PRKAR1A: variants seen among roughly 807,000 people sequenced by gnomAD.
PRKAR1A encodes the protein cAMP-dependent protein kinase type I-alpha regulatory subunit.
PRKAR1A carries 3 observed loss-of-function variants against 52.0 expected under a neutral mutation model. The observed-to-expected ratio is 0.06, with a 90% confidence interval of 0.03 to 0.15. The LOEUF is 0.15. Among genes scored for constraint, PRKAR1A ranks in the 10% least tolerant of loss-of-function variants. The probability of loss-of-function intolerance (pLI) is 1.00; values close to 1 mark genes in which losing one functional copy is unlikely to be tolerated. For synonymous variants in PRKAR1A, 188 were observed against 168.4 expected (o/e 1.12, Z -0.90); for missense variants, 240 against 477.4 (o/e 0.50, Z 4.63).
At chr17:68,523,265 C>T (rs1055762773) in intron 3 of PRKAR1A, among the ~76,000 whole-genome samples, 6 of 152,070 alleles carry the variant, frequency 3.9e-5, no homozygotes, top group African/African-American at 1.4e-4. Context: ...ACCTTTTATT[C>T]TACGAGCCTC....
chr17:68,428,198 G>A, the PRKAR1A span: 1 of 150,966 alleles, frequency 6.6e-6, no homozygotes, highest in Non-Finnish European at 1.5e-5. Context: ...ATGACTGGTA[G>A]AGCACTTTTC....
At chr17:68,468,447 A>G in the PRKAR1A span, among the ~76,000 whole-genome samples, 1 of 152,196 alleles carries the variant, frequency 6.6e-6, no homozygotes, top group Admixed American at 6.5e-5. Flanking sequence ...CTTTAATTTT[A>G]GGAACACTAT....
At chr17:68,489,055 G>A in the PRKAR1A span, among the ~76,000 whole-genome samples, 2 of 149,542 alleles carry the variant, frequency 1.3e-5, no homozygotes, top group Admixed American at 6.7e-5. Flanking sequence ...GTCTGAATAA[G>A]TTTGGGCTAT....
chr17:68,502,127 G>A, the PRKAR1A span, among the ~76,000 whole-genome samples: 2 of 152,138 alleles, frequency 1.3e-5, no homozygotes, highest in African/African-American at 4.8e-5. Flanking sequence ...ACTCCAGAGA[G>A]CCCTTGCAGT....
chr17:68,416,164 T>C, the PRKAR1A span, among the ~76,000 whole-genome samples: 1 of 152,230 alleles, frequency 6.6e-6, no homozygotes, highest in Admixed American at 6.5e-5. Flanking sequence ...CATTTTGATG[T>C]GTTTCCAGGA....
At chr17:68,519,326 G>A (rs1023138470) in intron 2 of PRKAR1A, among the ~76,000 whole-genome samples, 3 of 152,148 alleles carry the variant, frequency 2.0e-5, no homozygotes, top group Non-Finnish European at 4.4e-5. Flanking sequence ...GGCAGGCCTC[G>A]GGAAGCTACA....
the PRKAR1A span, among the ~76,000 whole-genome samples, chr17:68,471,654 G>T: frequency 2.6e-5 from 4 of 152,144 alleles, no homozygotes; most frequent in Admixed American, 6.5e-5. Flanking sequence ...GGAGGTCTTC[G>T]CCAGGGATGT....
Position 68,531,226 on chromosome 17 carries a change from T to C in PRKAR1A, c.*777T>C, listed in dbSNP as rs946489922. 8.4e-6 allele frequency: 9 copies of C among 1,066,344 alleles called. No homozygotes were observed. The highest frequency in any genetic ancestry group is 4.1e-4 in the Middle Eastern group (1 of 2,426). The allele number at this position is 1,066,344 out of a possible 1,614,324, so 66.1% of individuals were successfully genotyped here. ...TCTGCCTCGGCTCACAAATTCCGAT[T>C]AGACCTTTATCCAGCTAGTGCCAAA... is the stretch of plus-strand genomic sequence containing the variant. On this transcript the variant is annotated 3_prime_UTR_variant, in exon 11 of 11. Coordinates refer to ENST00000589228, the MANE Select transcript of PRKAR1A (RefSeq NM_002734.5).
chr17:68,450,638 T>C, the PRKAR1A span: 3 of 1,480,300 alleles, frequency 2.0e-6, no homozygotes, highest in African/African-American at 4.3e-5. Context: ...GGAAGCTTGT[T>C]TTACAGACAT....
intron 6 of PRKAR1A, 116 bp from the exon 7 acceptor site, chr17:68,525,633 ATATAT>A: frequency 3.7e-6 from 4 of 1,095,332 alleles, no homozygotes; most frequent in African/African-American, 3.1e-5. Flanking sequence ...TGCAAACATA[ATATAT>A]TCTGTTTTTT....
chr17:68,421,807 C>T, the PRKAR1A span: 77 of 1,614,042 alleles, frequency 4.8e-5, no homozygotes, highest in East Asian at 6.7e-5. Context: ...CTGATTTCCA[C>T]GGCACAAGAT....
chr17:68,421,579 C>G, the PRKAR1A span: 1 of 662,634 alleles, frequency 1.5e-6, no homozygotes, highest in African/African-American at 1.8e-5. Flanking sequence ...CAATGTCTCC[C>G]GCGCCCATTG....
the PRKAR1A span, among the ~76,000 whole-genome samples, chr17:68,484,401 AT>A: frequency 4.0e-5 from 6 of 150,332 alleles, no homozygotes; most frequent in African/African-American, 1.5e-4. Context: ...AATTCAATTA[AT>A]TTTTTTATTT....
At chr17:68,496,343 T>C in the PRKAR1A span, among the ~76,000 whole-genome samples, 4 of 151,744 alleles carry the variant, frequency 2.6e-5, no homozygotes, top group African/African-American at 9.7e-5. Context: ...CGCCCGGCCC[T>C]CTCTGCATTT....
the PRKAR1A span, among the ~76,000 whole-genome samples, chr17:68,471,441 C>G: frequency 6.6e-6 from 1 of 152,256 alleles, no homozygotes; most frequent in South Asian, 2.1e-4. Flanking sequence ...CTCCCCCAGA[C>G]ATAGACCTTG....
At position 68,524,142 on chromosome 17, in the gene PRKAR1A, G is replaced by T. The variant is rs1187108513; in HGVS notation, c.502+65G>T. 3 of 1,566,774 alleles carry T rather than the reference G, an allele frequency of 1.9e-6. No individual in the cohort carries two copies. The African/African-American group carries it at 4.1e-5, about 21-fold the overall frequency. On this transcript the variant is annotated intron_variant, in intron 5 of 10. Transcript: ENST00000589228. ...GAGGCGAGACTAGAGGATTTTTTTG[G>T]TTTTGTTTTATTGAAGTTTGTTTTC... is the stretch of plus-strand genomic sequence containing the variant.
chr17:68,478,243 G>A, the PRKAR1A span, among the ~76,000 whole-genome samples: 1 of 152,154 alleles, frequency 6.6e-6, no homozygotes, highest in Non-Finnish European at 1.5e-5. Context: ...CATGAGGTCA[G>A]GAGATCGAGA....
At chr17:68,433,654 A>G in the PRKAR1A span, 4 of 1,200,088 alleles carry the variant, frequency 3.3e-6, no homozygotes, top group Non-Finnish European at 4.8e-6. Context: ...TCAGCTTTAT[A>G]AGAAAATCAG....
In PRKAR1A at chr17:68,528,342, T is replaced by C. The variant is rs1439997668; in HGVS notation, c.769+442T>C. On this transcript the variant is annotated intron_variant, in intron 8 of 10. Coordinates refer to ENST00000589228, the MANE Select transcript of PRKAR1A (RefSeq NM_002734.5). ...GTAACAGGCTTCTGCCATTGTTTATTACAGTGAATTTTTCACCTCTTCTTT... is the reference window on the plus strand; with the variant it reads ...GTAACAGGCTTCTGCCATTGTTTATCACAGTGAATTTTTCACCTCTTCTTT... Among the ~76,000 whole-genome samples, 4 of 152,368 alleles carry C rather than the reference T, an allele frequency of 2.6e-5. No individual in the cohort carries two copies. In the East Asian group the frequency reaches 7.7e-4, roughly 29 times the overall value.
Sources: gnomAD v4.1 joint callset for allele counts (sites outside exome capture counted in the v4.1 genomes callset) on GRCh38, gnomAD v4.1.1 for gene constraint, MANE v1.5 for transcripts, NCBI Gene and HGNC (gene_info 2026-07-23, HGNC 2026-07-21) for gene names.